SNTG1: variants seen among roughly 807,000 people sequenced by gnomAD.
SNTG1 encodes the protein gamma-1-syntrophin.
A neutral mutation model predicts 74.7 loss-of-function variants in SNTG1; 39 were observed. The observed-to-expected ratio is 0.52, with a 90% CI of 0.40 to 0.68. The LOEUF (loss-of-function observed/expected upper bound fraction) is 0.68. Ranked by LOEUF, SNTG1 falls within the 30% of genes least tolerant of loss-of-function variation. SNTG1 has a pLI of 0.00. For missense variants in SNTG1, 685 were observed against 609.5 expected (o/e 1.12, Z -1.30); for synonymous variants, 254 against 217.1 (o/e 1.17, Z -1.49).
chr8:50,638,410 T>G (rs1342697735), intron 13 of SNTG1, among the ~76,000 whole-genome samples: 1 of 152,144 alleles, frequency 6.6e-6, no homozygotes, highest in South Asian at 2.1e-4. Context: ...TAATTATTTA[T>G]AAATTATATA....
intron 1 of SNTG1, among the ~76,000 whole-genome samples, chr8:49,957,325 C>T (rs572036549): frequency 1.2e-4 from 19 of 152,316 alleles, no homozygotes; most frequent in Middle Eastern, 3.4e-3. Context: ...TATGACAGTC[C>T]TACATAGAGT....
intron 1 of SNTG1, among the ~76,000 whole-genome samples, chr8:50,103,124 G>T (rs916829892): frequency 7.2e-5 from 11 of 152,188 alleles, no homozygotes; most frequent in African/African-American, 2.7e-4. Context: ...GATGGGGATG[G>T]CATTGAATCT....
chr8:50,083,227 C>G (rs897577279), intron 1 of SNTG1, among the ~76,000 whole-genome samples: 15 of 151,956 alleles, frequency 9.9e-5, no homozygotes, highest in Admixed American at 7.9e-4. Context: ...TTGTTAAATC[C>G]CAGAGCTCTA....
intron 2 of SNTG1, among the ~76,000 whole-genome samples, chr8:50,242,784 A>G (rs569637367): frequency 2.7e-5 from 4 of 150,290 alleles, no homozygotes; most frequent in African/African-American, 9.7e-5. Flanking sequence ...TTATCTATTT[A>G]TATTACCATA....
chr8:50,336,123 C>T (rs79726915), intron 2 of SNTG1, among the ~76,000 whole-genome samples: 1 of 152,156 alleles, frequency 6.6e-6, no homozygotes, highest in African/African-American at 2.4e-5. Flanking sequence ...ATCCACATTC[C>T]ATTGGCTAAA....
chr8:50,424,056 T>A (rs1042912106), intron 4 of SNTG1, among the ~76,000 whole-genome samples: 5 of 152,086 alleles, frequency 3.3e-5, no homozygotes. Context: ...AGACCCTTCT[T>A]CCCCAGTATC....
chr8:50,215,857 A>G lies in SNTG1; in HGVS notation c.-28+43222A>G, dbSNP rs1387778064. ...TCTGCCACATGGATAACAAGGATCA[A>G]TGCAAAAAACTTCTTATGAGTAATA... On this transcript the variant is annotated intron_variant, in intron 2 of 18. Coordinates refer to ENST00000642720, the MANE Select transcript of SNTG1 (RefSeq NM_018967.5). 3.9e-5 allele frequency among the ~76,000 whole-genome samples: 6 copies of G among 152,342 alleles called. 1 individual carries two copies. The East Asian group carries it at 1.2e-3, about 29-fold the overall frequency.
intron 11 of SNTG1, among the ~76,000 whole-genome samples, chr8:50,542,589 T>G (rs988021997): frequency 1.3e-5 from 2 of 152,184 alleles, no homozygotes. Context: ...TTGATTTCCT[T>G]TCTTTAAAAT....
At chr8:50,660,327 G>GAAGA (rs1225225511) in intron 15 of SNTG1, among the ~76,000 whole-genome samples, 4 of 145,544 alleles carry the variant, frequency 2.7e-5, no homozygotes, top group Admixed American at 2.1e-4. Context: ...AAGAAGGAAA[G>GAAGA]AAGAAAGAAA....
At position 50,026,749 on chromosome 8, in the gene SNTG1, G is replaced by A. The variant is rs548228997; in HGVS notation, c.-103+114518G>A. ...AAAAATTATCTTGCCCCCTTGAAAG[G>A]AACAAATTTTAAATAAAAACATCAG... On this transcript the variant is annotated intron_variant, in intron 1 of 18. Transcript: ENST00000642720. Among the ~76,000 whole-genome samples, 87 of 152,138 alleles carry A rather than the reference G, an allele frequency of 5.7e-4. 2 individuals are homozygous for A. Among genetic ancestry groups the A allele is most frequent in the Non-Finnish European group, 2.9e-5 (2 of 67,966 alleles).
intron 13 of SNTG1, among the ~76,000 whole-genome samples, chr8:50,623,228 G>A (rs775038124): frequency 1.3e-5 from 2 of 152,064 alleles, no homozygotes; most frequent in African/African-American, 2.4e-5. Context: ...TGGCAAAAGT[G>A]GGCCACCTTG....
chr8:50,785,340 C>T (rs1380654646), intron 18 of SNTG1, among the ~76,000 whole-genome samples: 1 of 151,320 alleles, frequency 6.6e-6, no homozygotes, highest in African/African-American at 2.4e-5. Context: ...TTTTTAAAAT[C>T]AGAAATAAAA....
At chr8:50,577,008 A>G (rs1006860969) in intron 12 of SNTG1, among the ~76,000 whole-genome samples, 12 of 152,208 alleles carry the variant, frequency 7.9e-5, no homozygotes, top group African/African-American at 2.9e-4. Context: ...TATGGTGAAA[A>G]GCAGGCATCT....
intron 2 of SNTG1, among the ~76,000 whole-genome samples, chr8:50,344,678 C>T (rs1413129168): frequency 1.3e-5 from 2 of 152,088 alleles, no homozygotes; most frequent in Non-Finnish European, 1.5e-5. Context: ...TTGCTCAAGG[C>T]GAAGATCCAG....
At chr8:50,193,351 T>C (rs752872175) in intron 2 of SNTG1, among the ~76,000 whole-genome samples, 30 of 152,078 alleles carry the variant, frequency 2.0e-4, no homozygotes, top group Non-Finnish European at 3.5e-4. Flanking sequence ...GTTTTCCTCA[T>C]AGAAGTCTTT....
intron 2 of SNTG1, among the ~76,000 whole-genome samples, chr8:50,366,357 G>A (rs889168642): frequency 1.9e-4 from 29 of 152,184 alleles, no homozygotes; most frequent in Admixed American, 5.9e-4. Flanking sequence ...TTTTTACTAC[G>A]CTGTGCAGTT....
At chr8:50,041,087 G>T (rs1384223052) in intron 1 of SNTG1, among the ~76,000 whole-genome samples, 1 of 151,996 alleles carries the variant, frequency 6.6e-6, no homozygotes, top group Non-Finnish European at 1.5e-5. Flanking sequence ...GTAGAGACAG[G>T]GTTTCTCCAT....
chr8:50,611,406 T>C (rs532625635), intron 13 of SNTG1, among the ~76,000 whole-genome samples: 2 of 152,180 alleles, frequency 1.3e-5, no homozygotes, highest in Non-Finnish European at 2.9e-5. Flanking sequence ...TTATAGTTAG[T>C]GTGGGGAGGG....
intron 1 of SNTG1, among the ~76,000 whole-genome samples, chr8:50,151,152 G>T (rs1184619172): frequency 2.6e-5 from 4 of 152,132 alleles, no homozygotes; most frequent in Non-Finnish European, 5.9e-5. Flanking sequence ...TGGTGTATGT[G>T]TCCAGGAATT....
Sources: allele counts gnomAD v4.1 joint callset (sites outside exome capture counted in the v4.1 genomes callset), GRCh38; gene constraint gnomAD v4.1.1; transcripts MANE v1.5; gene names NCBI Gene and HGNC (gene_info 2026-07-23, HGNC 2026-07-21).